The following NGF variants were observed in gnomAD, a reference collection of about 807,000 sequenced individuals.
The protein encoded by NGF is nerve growth factor, also known as beta-nerve growth factor.
NGF carries 4 observed loss-of-function variants against 12.8 expected under a neutral mutation model. The ratio of observed to expected loss-of-function variants is 0.31; its 90% CI spans 0.15 to 0.72. The LOEUF (loss-of-function observed/expected upper bound fraction) is 0.72. Among genes scored for constraint, NGF ranks in the 30% least tolerant of loss-of-function variants. NGF has a pLI of 0.69. For synonymous variants in NGF, 140 were observed against 130.0 expected (o/e 1.08, Z -0.52); for missense variants, 283 against 330.8 (o/e 0.86, Z 1.12).
chr1:115,304,329 ATT>A (rs58345237), intron 1 of NGF, among the ~76,000 whole-genome samples: 4 of 80,810 alleles, frequency 4.9e-5, no homozygotes, highest in Non-Finnish European at 7.6e-5. Context: ...TGCTTGGCTA[ATT>A]TTTTTTTTTT....
At chr1:115,298,218 C>T (rs60386510) in intron 1 of NGF, among the ~76,000 whole-genome samples, 2,001 of 152,242 alleles carry the variant, frequency 0.013, 50 homozygotes, top group African/African-American at 0.045. Context: ...TTGCATGCCA[C>T]TTAAAATGTT....
chr1:115,316,066 G>A (rs924394515), intron 1 of NGF, among the ~76,000 whole-genome samples: 1 of 152,164 alleles, frequency 6.6e-6, no homozygotes, highest in East Asian at 1.9e-4. Flanking sequence ...GTAGTAAAAG[G>A]CAATAGCGGG....
At chr1:115,310,898 C>T (rs1354626665) in intron 1 of NGF, among the ~76,000 whole-genome samples, 3 of 152,002 alleles carry the variant, frequency 2.0e-5, no homozygotes, top group South Asian at 2.1e-4. Context: ...GAGTAACAGG[C>T]GGAGTGGGAG....
chr1:115,296,873 T>C (rs1653887558), intron 1 of NGF, among the ~76,000 whole-genome samples: 2 of 152,218 alleles, frequency 1.3e-5, no homozygotes, highest in Non-Finnish European at 2.9e-5. Context: ...CAAATGCATA[T>C]CTATTTTTAA....
chr1:115,310,576 T>TA (rs1288672193), intron 1 of NGF, among the ~76,000 whole-genome samples: 1 of 152,130 alleles, frequency 6.6e-6, no homozygotes, highest in Non-Finnish European at 1.5e-5. Flanking sequence ...TTGGTCAAGT[T>TA]ACAGTCTTAC....
intron 1 of NGF, among the ~76,000 whole-genome samples, chr1:115,305,585 G>A (rs1001074999): frequency 1.3e-5 from 2 of 152,118 alleles, no homozygotes; most frequent in African/African-American, 2.4e-5. Flanking sequence ...ACACCCTTTT[G>A]AGTTTGTAAA....
At chr1:115,337,902 G>A (rs1425874527) in intron 1 of NGF, among the ~76,000 whole-genome samples, 2 of 152,196 alleles carry the variant, frequency 1.3e-5, no homozygotes, top group African/African-American at 4.8e-5. Flanking sequence ...CCCTGGCATG[G>A]CCGTGGGCTT....
intron 2 of NGF, among the ~76,000 whole-genome samples, chr1:115,289,866 A>T (rs919693080): frequency 1.3e-5 from 2 of 152,050 alleles, no homozygotes; most frequent in Non-Finnish European, 2.9e-5. Flanking sequence ...ACCTCCATCC[A>T]GCCCTTTTGG....
intron 1 of NGF, among the ~76,000 whole-genome samples, chr1:115,298,580 C>T (rs1279374788): frequency 1.3e-5 from 2 of 150,446 alleles, no homozygotes; most frequent in Non-Finnish European, 3.0e-5. Context: ...AGAAAGGGGG[C>T]TGCGGCTGCC....
intron 1 of NGF, among the ~76,000 whole-genome samples, chr1:115,298,273 G>A (rs1284948269): frequency 6.6e-6 from 1 of 152,132 alleles, no homozygotes; most frequent in Non-Finnish European, 1.5e-5. Flanking sequence ...CCATTACCAA[G>A]CACATCAAAT....
At chr1:115,333,741 T>C (rs11579131) in intron 1 of NGF, among the ~76,000 whole-genome samples, 3 of 113,336 alleles carry the variant, frequency 2.6e-5, no homozygotes, top group South Asian at 2.9e-4. Context: ...TTTCTTTCTT[T>C]CTTCCTTCCT....
intron 2 of NGF, among the ~76,000 whole-genome samples, chr1:115,292,712 CT>C (rs1482849740): frequency 1.3e-5 from 2 of 152,176 alleles, no homozygotes; most frequent in Non-Finnish European, 2.9e-5. Flanking sequence ...GGTGAGTATA[CT>C]CATCCCCCAA....
At chr1:115,328,805 G>T (rs1365752870) in intron 1 of NGF, among the ~76,000 whole-genome samples, 1 of 152,190 alleles carries the variant, frequency 6.6e-6, no homozygotes. Flanking sequence ...GGAGGAGGAT[G>T]TCTTGTGCCC....
chr1:115,299,441 T>C (rs188123257), intron 1 of NGF, among the ~76,000 whole-genome samples: 1 of 152,300 alleles, frequency 6.6e-6, no homozygotes, highest in Admixed American at 6.5e-5. Flanking sequence ...TGGCCTTCTA[T>C]TGTGTGTGGC....
At chr1:115,296,432 TAGA>T (rs1653872546) in intron 1 of NGF, among the ~76,000 whole-genome samples, 2 of 152,350 alleles carry the variant, frequency 1.3e-5, no homozygotes, top group South Asian at 2.1e-4. Context: ...TTTGGATGAC[TAGA>T]AGAAGAGGGA....
chr1:115,301,689 G>A (rs1406506882), intron 1 of NGF, among the ~76,000 whole-genome samples: 2 of 152,158 alleles, frequency 1.3e-5, no homozygotes, highest in African/African-American at 4.8e-5. Flanking sequence ...GCTGTGGGGC[G>A]ATTATCTGCA....
chr1:115,286,374 AC>A lies in NGF; in HGVS notation c.421del (p.Val141CysfsTer17). ...GEFSVCDSVS[V>X]WVGDKTTATD... is the part of the protein sequence containing the mutation. ...GGCGGTGGTCTTATCCCCAACCCAC[AC>A]GCTGACACTGTCACACACCGAGAAT... On this transcript the variant is annotated frameshift_variant, in exon 3 of 3. Transcript: ENST00000369512. LOFTEE classifies it high-confidence loss of function. 1.2e-6 allele frequency: 2 copies of A among 1,613,760 alleles called. No homozygotes were observed. The highest frequency in any genetic ancestry group is 1.7e-6 in the Non-Finnish European group (2 of 1,179,964).
At chr1:115,300,596 A>T (rs1654005945) in intron 1 of NGF, among the ~76,000 whole-genome samples, 2 of 152,250 alleles carry the variant, frequency 1.3e-5, no homozygotes, top group African/African-American at 2.4e-5. Context: ...CTGGAGTGAC[A>T]GCTGCCATCG....
chr1:115,319,358 C>T (rs908005607), intron 1 of NGF, among the ~76,000 whole-genome samples: 3 of 152,144 alleles, frequency 2.0e-5, no homozygotes, highest in African/African-American at 7.2e-5. Context: ...CAGACACACA[C>T]CCACAAACAC....
Sources: allele counts gnomAD v4.1 joint callset (sites outside exome capture counted in the v4.1 genomes callset), GRCh38; gene constraint gnomAD v4.1.1; transcripts MANE v1.5; gene names NCBI Gene and HGNC (gene_info 2026-07-23, HGNC 2026-07-21).